TSHZ2: variants seen among roughly 807,000 people sequenced by gnomAD.
The protein encoded by TSHZ2 is teashirt zinc finger homeobox 2.
In TSHZ2, 21 loss-of-function variants were observed where a neutral mutation model predicts 74.4. That is an observed-to-expected ratio of 0.28 (90% CI 0.20 to 0.41). The LOEUF (loss-of-function observed/expected upper bound fraction) is 0.41. Ranked by LOEUF, TSHZ2 falls within the 10% of genes least tolerant of loss-of-function variation. The pLI is 1.00. For missense variants in TSHZ2, 1,244 were observed against 1,293.5 expected, an observed-to-expected ratio of 0.96 and a Z score of 0.59; for synonymous variants, 540 against 515.3, an observed-to-expected ratio of 1.05 and a Z score of -0.65.
chr20:53,465,060 G>A (rs575685755), intron 2 of TSHZ2, among the ~76,000 whole-genome samples: 1 of 152,316 alleles, frequency 6.6e-6, no homozygotes, highest in Non-Finnish European at 1.5e-5. Context: ...AAGGGCAGGG[G>A]AGCCCAGTGA....
At chr20:53,319,230 T>TA (rs1391636682) in intron 2 of TSHZ2, among the ~76,000 whole-genome samples, 1 of 152,206 alleles carries the variant, frequency 6.6e-6, no homozygotes, top group Non-Finnish European at 1.5e-5. Context: ...AGTACAGTTG[T>TA]AAAAAAGCCA....
chr20:53,470,701 C>A (rs1426756341), intron 2 of TSHZ2, among the ~76,000 whole-genome samples: 2 of 152,114 alleles, frequency 1.3e-5, no homozygotes, highest in Admixed American at 1.3e-4. Flanking sequence ...GTAACCCCAG[C>A]CACTCAGAAG....
At chr20:53,233,691 G>T (rs1195107404) in intron 1 of TSHZ2, among the ~76,000 whole-genome samples, 1 of 152,124 alleles carries the variant, frequency 6.6e-6, no homozygotes, top group Non-Finnish European at 1.5e-5. Context: ...TGTTCAAATG[G>T]GCAGACTCAG....
intron 1 of TSHZ2, among the ~76,000 whole-genome samples, chr20:53,015,166 C>T (rs1982989974): frequency 6.6e-6 from 1 of 152,160 alleles, no homozygotes; most frequent in African/African-American, 2.4e-5. Flanking sequence ...TCACTGTCAC[C>T]TCCTCTGAGA....
At chr20:53,106,920 A>ATCAAGTGATC (rs1986393676) in intron 1 of TSHZ2, among the ~76,000 whole-genome samples, 1 of 145,468 alleles carries the variant, frequency 6.9e-6, no homozygotes, top group Admixed American at 6.9e-5. Flanking sequence ...GTGATCTTGA[A>ATCAAGTGATC]CTCCTGACCT....
chr20:53,325,201 T>C (rs1387593109), intron 2 of TSHZ2, among the ~76,000 whole-genome samples: 1 of 152,228 alleles, frequency 6.6e-6, no homozygotes, highest in East Asian at 1.9e-4. Flanking sequence ...TTTCCCTGAG[T>C]TGAGATCTCC....
At chr20:53,338,077 A>G (rs1980028719) in intron 2 of TSHZ2, among the ~76,000 whole-genome samples, 1 of 152,206 alleles carries the variant, frequency 6.6e-6, no homozygotes, top group Non-Finnish European at 1.5e-5. Context: ...GACACACCAT[A>G]GTGTGTCCAT....
chr20:53,171,400 T>G (rs1434706290), intron 1 of TSHZ2, among the ~76,000 whole-genome samples: 1 of 152,220 alleles, frequency 6.6e-6, no homozygotes, highest in Non-Finnish European at 1.5e-5. Context: ...GCAATTATGG[T>G]CCCTTATGAG....
At chr20:53,391,928 GAGACTT>G (rs1982274781) in intron 2 of TSHZ2, among the ~76,000 whole-genome samples, 1 of 152,098 alleles carries the variant, frequency 6.6e-6, no homozygotes, top group African/African-American at 2.4e-5. Context: ...GGGTGACAGA[GAGACTT>G]TGTCTTAAAA....
intron 1 of TSHZ2, among the ~76,000 whole-genome samples, chr20:53,073,766 A>G (rs562324266): frequency 6.6e-6 from 1 of 152,226 alleles, no homozygotes; most frequent in South Asian, 2.1e-4. Context: ...GTTAAAAAAA[A>G]AAACTGGTCT....
At chr20:53,276,265 C>A (rs1990945281) in intron 2 of TSHZ2, among the ~76,000 whole-genome samples, 1 of 150,168 alleles carries the variant, frequency 6.7e-6, no homozygotes, top group East Asian at 2.0e-4. Context: ...TTTGGAACCA[C>A]TTTTTTAGGT....
intron 2 of TSHZ2, among the ~76,000 whole-genome samples, chr20:53,367,378 T>C (rs1308073430): frequency 1.3e-5 from 2 of 151,698 alleles, no homozygotes; most frequent in Non-Finnish European, 2.9e-5. Context: ...CACTCCAGCC[T>C]GGGTGATAAA....
At chr20:53,158,803 G>A (rs934804220) in intron 1 of TSHZ2, among the ~76,000 whole-genome samples, 2 of 152,318 alleles carry the variant, frequency 1.3e-5, no homozygotes, top group East Asian at 1.9e-4. Context: ...CACCATGGGT[G>A]CACACCCAGA....
chr20:53,263,078 G>A (rs1990634536), intron 2 of TSHZ2, among the ~76,000 whole-genome samples: 1 of 152,164 alleles, frequency 6.6e-6, no homozygotes, highest in Admixed American at 6.5e-5. Context: ...ACTTGCAGGA[G>A]GCATAGAATA....
intron 1 of TSHZ2, among the ~76,000 whole-genome samples, chr20:53,218,888 C>A (rs1042765228): frequency 1.3e-5 from 2 of 152,060 alleles, no homozygotes; most frequent in Non-Finnish European, 2.9e-5. Context: ...TTTTCTACAC[C>A]ATTTTGGAGA....
At position 53,191,534 on chromosome 20, in the gene TSHZ2, G is replaced by A. The variant is rs893289407; in HGVS notation, c.41-61965G>A. On this transcript the variant is annotated intron_variant, in intron 1 of 2. Transcript: ENST00000371497. ...AAACATTAGCTGGGTGTGGTGGCACGTGGCTGTAGTCTCAGCCACTTGGGA... is the reference window on the plus strand; with the variant it reads ...AAACATTAGCTGGGTGTGGTGGCACATGGCTGTAGTCTCAGCCACTTGGGA... 2.6e-5 allele frequency among the ~76,000 whole-genome samples: 4 copies of A among 152,316 alleles called. No homozygotes were observed. The South Asian group carries it at 6.2e-4, about 24-fold the overall frequency.
rs141887005 is a variant in TSHZ2 at position 52,983,917 on chromosome 20, A to T, written c.40+10584A>T. 9.2e-3 allele frequency among the ~76,000 whole-genome samples: 1,397 copies of T among 152,282 alleles called. 15 individuals are homozygous for T. The highest frequency in any genetic ancestry group is 0.017 in the Admixed American group (255 of 15,286). On this transcript the variant is annotated intron_variant, in intron 1 of 2. Coordinates refer to ENST00000371497, the MANE Select transcript of TSHZ2 (RefSeq NM_173485.6). ...CAACTCTGTCCCTCCCCCACGGGGAACCCGCGCTCATCCCCTCAGGCCCCA... is the reference window on the plus strand; with the variant it reads ...CAACTCTGTCCCTCCCCCACGGGGATCCCGCGCTCATCCCCTCAGGCCCCA...
chr20:53,247,057 C>T (rs941054309), intron 1 of TSHZ2, among the ~76,000 whole-genome samples: 6 of 152,232 alleles, frequency 3.9e-5, no homozygotes, highest in Non-Finnish European at 5.9e-5. Flanking sequence ...ACTGTACCCA[C>T]GCCATCTCCA....
chr20:53,469,045 T>TTATTTATA (rs1555872220), intron 2 of TSHZ2, among the ~76,000 whole-genome samples: 1 of 49,110 alleles, frequency 2.0e-5, no homozygotes, highest in African/African-American at 5.8e-5. Flanking sequence ...AATCGATATT[T>TTATTTATA]TATATATATA....
Sources: gnomAD v4.1 joint callset for allele counts (sites outside exome capture counted in the v4.1 genomes callset) on GRCh38, gnomAD v4.1.1 for gene constraint, MANE v1.5 for transcripts, NCBI Gene and HGNC (gene_info 2026-07-23, HGNC 2026-07-21) for gene names.